ARHGAP26: variants seen among roughly 807,000 people sequenced by gnomAD.
The protein encoded by ARHGAP26 is rho GTPase-activating protein 26.
A neutral mutation model predicts 104.8 loss-of-function variants in ARHGAP26; 38 were observed. The ratio of observed to expected loss-of-function variants is 0.36; its 90% CI spans 0.28 to 0.48. The LOEUF (loss-of-function observed/expected upper bound fraction) is 0.48, where lower values mean the gene tolerates loss of function less well. Ranked by LOEUF, ARHGAP26 falls within the 20% of genes least tolerant of loss-of-function variation. The pLI, the probability that ARHGAP26 is intolerant of heterozygous loss-of-function variation, is 0.99. For missense variants in ARHGAP26, 704 were observed against 947.9 expected (o/e 0.74, Z 3.38); for synonymous variants, 341 against 340.0 (o/e 1.00, Z -0.03).
intron 14 of ARHGAP26, among the ~76,000 whole-genome samples, chr5:143,053,604 A>G (rs1203664517): frequency 6.6e-6 from 1 of 152,190 alleles, no homozygotes; most frequent in Non-Finnish European, 1.5e-5. Flanking sequence ...CTGTTCTTTT[A>G]TCATACATGC....
At chr5:143,010,527 GC>G (rs1778588707) in intron 11 of ARHGAP26, among the ~76,000 whole-genome samples, 1 of 152,184 alleles carries the variant, frequency 6.6e-6, no homozygotes, top group Admixed American at 6.5e-5. Flanking sequence ...TCTTTGTTGG[GC>G]CCTGTAGTCA....
intron 20 of ARHGAP26, among the ~76,000 whole-genome samples, chr5:143,150,177 C>T (rs1799649038): frequency 6.6e-6 from 1 of 152,182 alleles, no homozygotes; most frequent in African/African-American, 2.4e-5. Flanking sequence ...TCCTGAAGAA[C>T]AAAGGACAAT....
At chr5:142,998,853 C>G (rs1022587445) in intron 11 of ARHGAP26, among the ~76,000 whole-genome samples, 47 of 152,178 alleles carry the variant, frequency 3.1e-4, no homozygotes, top group African/African-American at 1.1e-3. Flanking sequence ...TGATCAGCAG[C>G]TTTCCAACCT....
chr5:142,836,358 T>A (rs1391484664), intron 1 of ARHGAP26, among the ~76,000 whole-genome samples: 1 of 152,200 alleles, frequency 6.6e-6, no homozygotes, highest in East Asian at 1.9e-4. Flanking sequence ...ATTTACAACT[T>A]ACTCTTTAAA....
chr5:142,897,733 TA>T (rs1759677781), intron 6 of ARHGAP26, among the ~76,000 whole-genome samples: 2 of 152,258 alleles, frequency 1.3e-5, no homozygotes, highest in South Asian at 4.1e-4. Context: ...TCAAACCTTA[TA>T]ACATCTCTGA....
intron 6 of ARHGAP26, among the ~76,000 whole-genome samples, chr5:142,896,261 C>G (rs1041612291): frequency 6.6e-6 from 1 of 152,200 alleles, no homozygotes; most frequent in Non-Finnish European, 1.5e-5. Flanking sequence ...AAGAACAGTG[C>G]ATTTCTAATA....
At position 142,857,500 on chromosome 5, in the gene ARHGAP26, G is replaced by C. The variant is rs1262619210; in HGVS notation, c.155-15900G>C. 5.3e-5 allele frequency among the ~76,000 whole-genome samples: 8 copies of C among 152,122 alleles called. No individual in the cohort carries two copies. The East Asian group carries it at 1.5e-3, about 29-fold the overall frequency. On this transcript the variant is annotated intron_variant, in intron 1 of 22. Coordinates refer to ENST00000645722, the MANE Select transcript of ARHGAP26 (RefSeq NM_001135608.3). ...CTGTGTGACTGAGAGAGGTGGCCCT[G>C]CTCATGCATGCCTCTGGCTCAGGGT...
At chr5:143,148,115 G>C (rs1264823295) in intron 20 of ARHGAP26, among the ~76,000 whole-genome samples, 1 of 152,096 alleles carries the variant, frequency 6.6e-6, no homozygotes. Flanking sequence ...AAGAATGTGA[G>C]GCCATGACCG....
intron 18 of ARHGAP26, among the ~76,000 whole-genome samples, chr5:143,122,732 C>T (rs1351997447): frequency 6.6e-6 from 1 of 152,194 alleles, no homozygotes; most frequent in Non-Finnish European, 1.5e-5. Flanking sequence ...TCCTTCAGTG[C>T]TGACTAAAAC....
chr5:143,219,827 T>C lies in ARHGAP26; in HGVS notation c.2192-2531T>C, dbSNP rs532269656. ...GCCATGGGGCCCAGGAATGTGCAGTTTGAATAAGCATCCTGAGGGTTCCGA... is the reference window on the plus strand; with the variant it reads ...GCCATGGGGCCCAGGAATGTGCAGTCTGAATAAGCATCCTGAGGGTTCCGA... On this transcript the variant is annotated intron_variant, in intron 22 of 22. Coordinates refer to ENST00000645722, the MANE Select transcript of ARHGAP26 (RefSeq NM_001135608.3). 2.0e-5 allele frequency among the ~76,000 whole-genome samples: 3 copies of C among 152,344 alleles called. No individual in the cohort carries two copies. In the South Asian group the frequency reaches 6.2e-4, roughly 32 times the overall value.
intron 1 of ARHGAP26, chr5:142,772,728 G>A: frequency 1.9e-6 from 1 of 532,886 alleles, no homozygotes; most frequent in Non-Finnish European, 3.9e-6. Context: ...GCCAGAGATG[G>A]AGTCCCTGCC....
At chr5:143,038,146 T>C (rs948859751) in intron 13 of ARHGAP26, among the ~76,000 whole-genome samples, 1 of 152,232 alleles carries the variant, frequency 6.6e-6, no homozygotes, top group Non-Finnish European at 1.5e-5. Flanking sequence ...GATGTGAATC[T>C]TATTTACTCA....
At chr5:142,925,603 G>GAAACAAA (rs759398472) in intron 10 of ARHGAP26, among the ~76,000 whole-genome samples, 5 of 152,190 alleles carry the variant, frequency 3.3e-5, no homozygotes, top group Non-Finnish European at 7.3e-5. Flanking sequence ...TAGCACTTTA[G>GAAACAAA]AAACAAAGGA....
intron 20 of ARHGAP26, among the ~76,000 whole-genome samples, chr5:143,165,616 G>A (rs1251436274): frequency 6.6e-6 from 1 of 152,012 alleles, no homozygotes; most frequent in Non-Finnish European, 1.5e-5. Flanking sequence ...TTGTTACGTG[G>A]GTATATTGTG....
chr5:143,100,699 A>G (rs1375109031), intron 17 of ARHGAP26, among the ~76,000 whole-genome samples: 5 of 152,224 alleles, frequency 3.3e-5, no homozygotes, highest in African/African-American at 1.2e-4. Flanking sequence ...TGGGCAGGAA[A>G]TGAAGTCTGT....
At chr5:142,914,515 A>C (rs1762235171) in intron 10 of ARHGAP26, among the ~76,000 whole-genome samples, 1 of 152,218 alleles carries the variant, frequency 6.6e-6, no homozygotes, top group Non-Finnish European at 1.5e-5. Flanking sequence ...AATGCATGTA[A>C]AATGCTTGGC....
intron 11 of ARHGAP26, among the ~76,000 whole-genome samples, chr5:142,939,555 A>G (rs1416163843): frequency 3.3e-5 from 5 of 152,218 alleles, no homozygotes; most frequent in African/African-American, 7.2e-5. Flanking sequence ...ATTGCATTGC[A>G]TATGTTCTGC....
chr5:142,818,145 G>T (rs1443223623), intron 1 of ARHGAP26, among the ~76,000 whole-genome samples: 1 of 152,012 alleles, frequency 6.6e-6, no homozygotes, highest in Non-Finnish European at 1.5e-5. Flanking sequence ...GTTCTGCCTG[G>T]CCTGGAAGTG....
At chr5:142,977,199 G>A (rs1005094664) in intron 11 of ARHGAP26, among the ~76,000 whole-genome samples, 3 of 152,198 alleles carry the variant, frequency 2.0e-5, no homozygotes, top group African/African-American at 7.2e-5. Flanking sequence ...CTCATAATGA[G>A]CAATTGCAAG....
Sources: gnomAD v4.1 joint callset for allele counts (sites outside exome capture counted in the v4.1 genomes callset) on GRCh38, gnomAD v4.1.1 for gene constraint, MANE v1.5 for transcripts, NCBI Gene and HGNC (gene_info 2026-07-23, HGNC 2026-07-21) for gene names.